The following ADGRL2 variants were observed in gnomAD, a reference collection of about 807,000 sequenced individuals.
ADGRL2 encodes the protein adhesion G protein-coupled receptor L2, also known as calcium-independent alpha-latrotoxin receptor 2.
A neutral mutation model predicts 157.4 loss-of-function variants in ADGRL2; 44 were observed. That is an observed-to-expected ratio of 0.28 (90% CI 0.22 to 0.36). The LOEUF (loss-of-function observed/expected upper bound fraction) is 0.36, where lower values mean the gene tolerates loss of function less well. ADGRL2 is among the 10% of genes least tolerant of loss of function. The probability of loss-of-function intolerance (pLI) is 1.00; values close to 1 mark genes in which losing one functional copy is unlikely to be tolerated. For synonymous variants in ADGRL2, 585 were observed against 624.7 expected (o/e 0.94, Z 0.95); for missense variants, 1,510 against 1,768.9 (o/e 0.85, Z 2.63).
intron 1 of ADGRL2, among the ~76,000 whole-genome samples, chr1:81,392,086 T>A (rs1485322192): frequency 6.6e-6 from 1 of 152,134 alleles, no homozygotes; most frequent in Non-Finnish European, 1.5e-5. Context: ...CTAATTCTAT[T>A]GTCCATACTG....
chr1:81,832,334 G>A (rs34301258), intron 1 of ADGRL2, among the ~76,000 whole-genome samples: 21,506 of 151,974 alleles, frequency 0.14, 1,675 homozygotes, highest in East Asian at 0.2. Flanking sequence ...TAGTAGAGAC[G>A]GGGTTTCACC....
intron 2 of ADGRL2, among the ~76,000 whole-genome samples, chr1:81,901,308 C>T (rs970828369): frequency 2.0e-5 from 3 of 151,666 alleles, no homozygotes; most frequent in Non-Finnish European, 4.4e-5. Flanking sequence ...ACAACAAATA[C>T]GTAGTCAGAG....
intron 1 of ADGRL2, among the ~76,000 whole-genome samples, chr1:81,825,027 A>G (rs923936567): frequency 7.2e-6 from 1 of 138,676 alleles, no homozygotes; most frequent in Non-Finnish European, 1.5e-5. Context: ...TTCCAGCCCC[A>G]GTTGCAACTT....
At chr1:81,986,014 T>G (rs1376674968) in intron 21 of ADGRL2, among the ~76,000 whole-genome samples, 1 of 152,052 alleles carries the variant, frequency 6.6e-6, no homozygotes, top group African/African-American at 2.4e-5. Context: ...TATAATGACA[T>G]TTTAAACTGT....
At chr1:81,638,295 A>G (rs1167089750) in intron 3 of ADGRL2, among the ~76,000 whole-genome samples, 8 of 152,218 alleles carry the variant, frequency 5.3e-5, no homozygotes, top group Non-Finnish European at 1.5e-5. Flanking sequence ...TTTAGAGAAA[A>G]GGAAAATGAG....
intron 2 of ADGRL2, among the ~76,000 whole-genome samples, chr1:81,563,232 G>A (rs1173530686): frequency 6.6e-6 from 1 of 152,140 alleles, no homozygotes; most frequent in Non-Finnish European, 1.5e-5. Flanking sequence ...AATTTGTAAG[G>A]CATTACACAT....
In ADGRL2 at chr1:81,903,040, G is replaced by A. The variant is rs1391245606; in HGVS notation, c.74-3977G>A. ...TAGCATGTGTACTTGATTAAAAGGA[G>A]CTTGCCTGTTTAGACTTACAGATTG... On this transcript the variant is annotated intron_variant, in intron 2 of 23. Transcript: ENST00000686636. 2.0e-5 allele frequency among the ~76,000 whole-genome samples: 3 copies of A among 152,280 alleles called. No individual in the cohort carries two copies. In the East Asian group the frequency reaches 5.8e-4, roughly 29 times the overall value.
chr1:81,492,863 C>A (rs1008364753), intron 2 of ADGRL2, among the ~76,000 whole-genome samples: 1 of 152,118 alleles, frequency 6.6e-6, no homozygotes, highest in African/African-American at 2.4e-5. Context: ...TTCTGGATTT[C>A]TTCTTCTATC....
At chr1:81,423,192 G>A (rs2077155955) in intron 1 of ADGRL2, among the ~76,000 whole-genome samples, 1 of 152,162 alleles carries the variant, frequency 6.6e-6, no homozygotes, top group African/African-American at 2.4e-5. Context: ...ACACGAGAAA[G>A]GAAAGATAAC....
At chr1:81,387,493 G>C (rs1479620397) in intron 1 of ADGRL2, among the ~76,000 whole-genome samples, 1 of 152,076 alleles carries the variant, frequency 6.6e-6, no homozygotes, top group African/African-American at 2.4e-5. Context: ...CTGTTCACAT[G>C]CTTTAAATAC....
At chr1:81,916,820 A>C (rs1434889668) in intron 3 of ADGRL2, among the ~76,000 whole-genome samples, 1 of 152,020 alleles carries the variant, frequency 6.6e-6, no homozygotes, top group Non-Finnish European at 1.5e-5. Flanking sequence ...TATCTAAATA[A>C]ATAAAATGCC....
At chr1:81,397,395 A>G (rs1292997619) in intron 1 of ADGRL2, among the ~76,000 whole-genome samples, 1 of 128,910 alleles carries the variant, frequency 7.8e-6, no homozygotes, top group African/African-American at 3.0e-5. Flanking sequence ...ATCTCTGCTC[A>G]CTGCAACTCC....
At chr1:81,314,403 A>C (rs1659966060) in intron 1 of ADGRL2, among the ~76,000 whole-genome samples, 1 of 152,174 alleles carries the variant, frequency 6.6e-6, no homozygotes, top group South Asian at 2.1e-4. Context: ...TGGCTTGAGA[A>C]AGGAGAGAGT....
intron 1 of ADGRL2, among the ~76,000 whole-genome samples, chr1:81,740,609 C>G (rs1382923347): frequency 1.3e-5 from 2 of 152,222 alleles, no homozygotes; most frequent in Non-Finnish European, 2.9e-5. Context: ...TCCAGACATA[C>G]ACGGGTACAT....
chr1:81,695,226 A>G (rs2083419159), upstream of ADGRL2, among the ~76,000 whole-genome samples: 1 of 151,952 alleles, frequency 6.6e-6, no homozygotes, highest in Non-Finnish European at 1.5e-5. Flanking sequence ...TACCAAAAAT[A>G]ATCTTAGGCT....
chr1:81,391,535 T>C (rs116176082), intron 1 of ADGRL2, among the ~76,000 whole-genome samples: 1,069 of 152,358 alleles, frequency 7.0e-3, no homozygotes, highest in African/African-American at 0.024. Flanking sequence ...GGCTCACATA[T>C]TTTTTTCTCT....
At position 81,440,531 on chromosome 1, in the gene ADGRL2, C is replaced by T. The variant is rs538647704; in HGVS notation, c.-301-4505C>T. Among the ~76,000 whole-genome samples, 48 of 152,250 alleles carry T rather than the reference C, an allele frequency of 3.2e-4. 1 individual carries two copies. The highest frequency in any genetic ancestry group is 1.0e-3 in the African/African-American group (43 of 41,548). ...TACCTTTGGTAAATTTAGACAATCC[C>T]GCAGATTTTAACTACCCCATCCATT... is the stretch of plus-strand genomic sequence containing the variant. On this transcript the variant is annotated intron_variant, in intron 1 of 24. Transcript: ENST00000370721.
chr1:81,866,556 G>T (rs546097664), intron 2 of ADGRL2, among the ~76,000 whole-genome samples: 6 of 152,122 alleles, frequency 3.9e-5, no homozygotes, highest in African/African-American at 1.2e-4. Context: ...TTTCCTCAAA[G>T]AATGTTTAAA....
intron 2 of ADGRL2, among the ~76,000 whole-genome samples, chr1:81,885,063 A>T (rs1210469335): frequency 1.3e-5 from 2 of 152,208 alleles, no homozygotes; most frequent in East Asian, 3.8e-4. Context: ...AGTTAGAGAC[A>T]TAAAATTGCC....
Sources: gnomAD v4.1 joint callset for allele counts (sites outside exome capture counted in the v4.1 genomes callset) on GRCh38, gnomAD v4.1.1 for gene constraint, MANE v1.5 for transcripts, NCBI Gene and HGNC (gene_info 2026-07-23, HGNC 2026-07-21) for gene names.